DDAH1: variants seen among roughly 807,000 people sequenced by gnomAD.
DDAH1 encodes the protein dimethylarginine dimethylaminohydrolase 1, also known as N(G),N(G)-dimethylarginine dimethylaminohydrolase 1.
DDAH1 carries 19 observed loss-of-function variants against 28.8 expected under a neutral mutation model. That is an observed-to-expected ratio of 0.66 (90% confidence interval 0.46 to 0.97). The LOEUF (loss-of-function observed/expected upper bound fraction) is 0.97, where lower values mean the gene tolerates loss of function less well. Ranked by LOEUF, DDAH1 falls within the 50% of genes least tolerant of loss-of-function variation. The pLI is 0.00. For missense variants in DDAH1, 326 were observed against 375.9 expected (o/e 0.87, Z 1.10); for synonymous variants, 153 against 154.4 (o/e 0.99, Z 0.07).
chr1:85,422,155 A>G (rs2100616295), intron 1 of DDAH1, among the ~76,000 whole-genome samples: 1 of 152,332 alleles, frequency 6.6e-6, no homozygotes, highest in South Asian at 2.1e-4. Context: ...CTCCTTAACA[A>G]CAAATTATGT....
At chr1:85,548,480 CAT>C (rs1263254642) in intron 1 of DDAH1, among the ~76,000 whole-genome samples, 4 of 152,174 alleles carry the variant, frequency 2.6e-5, no homozygotes, top group African/African-American at 9.7e-5. Flanking sequence ...TCCATGTACA[CAT>C]GTGTAAGGGG....
At position 85,507,504 on chromosome 1, in the gene DDAH1, C is replaced by CAATA. The variant is rs773565540; in HGVS notation, c.-122-11227_-122-11224dup. 3.0e-3 allele frequency among the ~76,000 whole-genome samples: 443 copies of CAATA among 148,582 alleles called. 1 individual carries two copies. Among genetic ancestry groups the CAATA allele is most frequent in the African/African-American group, 7.0e-3 (280 of 40,118 alleles). On this transcript the variant is annotated intron_variant, in intron 1 of 6. Coordinates refer to the DDAH1 transcript ENST00000426972. ...GGTGAAAAAGTGAGACCCTGCATCACAATAAATAAATAAATAAATAAATAA... is the reference window on the plus strand; with the variant it reads ...GGTGAAAAAGTGAGACCCTGCATCACAATAAATAAATAAATAAATAAATAAATAA...
At chr1:85,539,487 A>G (rs1486812208) in intron 1 of DDAH1, among the ~76,000 whole-genome samples, 3 of 152,110 alleles carry the variant, frequency 2.0e-5, no homozygotes, top group South Asian at 2.1e-4. Flanking sequence ...CTCCATCTGG[A>G]GTTGGATTCA....
intron 2 of DDAH1, among the ~76,000 whole-genome samples, chr1:85,478,748 C>T (rs142568854): frequency 5.3e-5 from 8 of 152,118 alleles, no homozygotes; most frequent in Non-Finnish European, 1.0e-4. Context: ...ATATTGTCTG[C>T]CTTATTGCAA....
At chr1:85,445,505 C>T (rs185602379) in intron 1 of DDAH1, among the ~76,000 whole-genome samples, 7 of 152,278 alleles carry the variant, frequency 4.6e-5, no homozygotes, top group African/African-American at 1.2e-4. Context: ...AGACGGTTAA[C>T]GTAAAAAGCA....
chr1:85,540,802 A>AT (rs1205966188), intron 1 of DDAH1, among the ~76,000 whole-genome samples: 1 of 152,046 alleles, frequency 6.6e-6, no homozygotes, highest in African/African-American at 2.4e-5. Flanking sequence ...TACTAAAAAA[A>AT]TACAGAAATT....
At chr1:85,481,140 C>T (rs2100716766) in intron 2 of DDAH1, among the ~76,000 whole-genome samples, 1 of 142,704 alleles carries the variant, frequency 7.0e-6, no homozygotes, top group East Asian at 2.0e-4. Context: ...CTTTGTCGCC[C>T]AAGCTGGTGT....
At chr1:85,344,873 T>C (rs562632103) in intron 4 of DDAH1, among the ~76,000 whole-genome samples, 53 of 152,072 alleles carry the variant, frequency 3.5e-4, no homozygotes, top group Non-Finnish European at 6.3e-4. Context: ...ATTAAAAAAA[T>C]TAAAAACAGG....
In DDAH1 at chr1:85,419,004, G is replaced by T. The variant is rs558034405; in HGVS notation, c.303+45739C>A. Among the ~76,000 whole-genome samples the T allele has an allele frequency of 5.3e-5, 8 of 152,144 alleles. No homozygotes were observed. In the South Asian group the frequency reaches 1.5e-3, roughly 28 times the overall value. ...TCCATGCCTTTGCCTATAAAAGACT[G>T]GTTCTGCCCAACTTTTCCTAGCTGG... On this transcript the variant is annotated intron_variant, in intron 1 of 5. Transcript: ENST00000284031.
rs1657324169 is a variant in DDAH1 at position 85,513,491 on chromosome 1, A to C, written c.-122-17210T>G. ...AAAAGCAATGGCAACAAAAGCCAAA[A>C]TTGACAAATGGGATCTAATTAAACT... On this transcript the variant is annotated intron_variant, in intron 1 of 6. Coordinates refer to the DDAH1 transcript ENST00000426972. Among the ~76,000 whole-genome samples, 3 of 152,238 alleles carry C rather than the reference A, an allele frequency of 2.0e-5. No individual in the cohort carries two copies. In the South Asian group the frequency reaches 6.2e-4, roughly 32 times the overall value.
At chr1:85,569,354 T>A (rs1659389172) in intron 1 of DDAH1, among the ~76,000 whole-genome samples, 1 of 152,196 alleles carries the variant, frequency 6.6e-6, no homozygotes, top group Non-Finnish European at 1.5e-5. Context: ...CTCAGCACAC[T>A]TGTTAGTTCC....
chr1:85,346,163 CAGAG>C (rs1316678958), intron 4 of DDAH1, among the ~76,000 whole-genome samples: 2 of 151,744 alleles, frequency 1.3e-5, no homozygotes, highest in Non-Finnish European at 2.9e-5. Context: ...ACCAAGTACT[CAGAG>C]AGCAGTGACA....
intron 2 of DDAH1, among the ~76,000 whole-genome samples, chr1:85,477,145 A>G (rs773017878): frequency 3.3e-5 from 5 of 152,192 alleles, no homozygotes; most frequent in Non-Finnish European, 7.4e-5. Flanking sequence ...GAAATTACCA[A>G]ACTGAGCCGA....
intron 1 of DDAH1, among the ~76,000 whole-genome samples, chr1:85,503,931 G>T (rs928732648): frequency 4.6e-5 from 7 of 152,132 alleles, no homozygotes; most frequent in African/African-American, 1.7e-4. Flanking sequence ...AATCACAGGG[G>T]ATGCGGTCAG....
intron 1 of DDAH1, among the ~76,000 whole-genome samples, chr1:85,499,912 T>C (rs138084547): frequency 5.2e-4 from 79 of 152,324 alleles, no homozygotes; most frequent in African/African-American, 1.8e-3. Flanking sequence ...CATTTTTTTA[T>C]GTTGATCTGA....
At chr1:85,571,787 CTTTTTTTTTT>C (rs58835610) in intron 1 of DDAH1, among the ~76,000 whole-genome samples, 5 of 85,404 alleles carry the variant, frequency 5.9e-5, no homozygotes, top group Admixed American at 3.0e-4. Context: ...TGTTTATAAG[CTTTTTTTTTT>C]TTTTTTTTTT....
At chr1:85,411,734 T>C (rs926007937) in intron 1 of DDAH1, among the ~76,000 whole-genome samples, 2 of 152,248 alleles carry the variant, frequency 1.3e-5, no homozygotes, top group African/African-American at 4.8e-5. Flanking sequence ...GTAAACGCTG[T>C]GTTTCACTAT....
intron 1 of DDAH1, among the ~76,000 whole-genome samples, chr1:85,550,339 G>A (rs1452960152): frequency 1.3e-5 from 2 of 152,142 alleles, no homozygotes; most frequent in East Asian, 3.9e-4. Context: ...GAGGCCCAGA[G>A]GTTCTGGTCA....
intron 1 of DDAH1, among the ~76,000 whole-genome samples, chr1:85,444,486 T>C (rs1654342390): frequency 6.6e-6 from 1 of 152,228 alleles, no homozygotes; most frequent in African/African-American, 2.4e-5. Context: ...TCTTTTTTTG[T>C]TGTGTCTCTC....
Sources: gnomAD v4.1 joint callset for allele counts (sites outside exome capture counted in the v4.1 genomes callset) on GRCh38, gnomAD v4.1.1 for gene constraint, MANE v1.5 for transcripts, NCBI Gene and HGNC (gene_info 2026-07-23, HGNC 2026-07-21) for gene names.